CA4: variants seen among roughly 807,000 people sequenced by gnomAD.
The protein encoded by CA4 is carbonic anhydrase 4.
CA4 carries 24 observed loss-of-function variants against 34.5 expected under a neutral mutation model. That is an observed-to-expected ratio of 0.70 (90% confidence interval 0.50 to 0.98). The LOEUF (loss-of-function observed/expected upper bound fraction) is 0.98. Among genes scored for constraint, CA4 ranks in the 50% least tolerant of loss-of-function variants. The pLI is 0.00. For synonymous variants in CA4, 178 were observed against 170.6 expected, an observed-to-expected ratio of 1.04 and a Z score of -0.34; for missense variants, 394 against 396.7, an observed-to-expected ratio of 0.99 and a Z score of 0.06.
At chr17:60,152,704 T>A (rs1402357591) in intron 1 of CA4, among the ~76,000 whole-genome samples, 1 of 152,128 alleles carries the variant, frequency 6.6e-6, no homozygotes, top group Non-Finnish European at 1.5e-5. Context: ...CCTTCCTCCT[T>A]CAAGACCTCT....
chr17:60,164,114 A>G (rs1320845350), downstream of CA4, among the ~76,000 whole-genome samples: 1 of 151,344 alleles, frequency 6.6e-6, no homozygotes, highest in African/African-American at 2.4e-5. Flanking sequence ...GTCTCAAAAA[A>G]GGAAAAAAAA....
chr17:60,153,876 T>C (rs1246624657), intron 1 of CA4, among the ~76,000 whole-genome samples: 1 of 152,158 alleles, frequency 6.6e-6, no homozygotes, highest in African/African-American at 2.4e-5. Context: ...ACACTGCAGC[T>C]CTGAAAAAGG....
chr17:60,175,065 C>T (rs914883031), downstream of CA4, among the ~76,000 whole-genome samples: 3 of 152,154 alleles, frequency 2.0e-5, no homozygotes, highest in African/African-American at 7.2e-5. Context: ...GTCTCACTGT[C>T]ACCCAGGCTG....
chr17:60,158,755 T>C (rs992432923), intron 7 of CA4: 1 of 474,734 alleles, frequency 2.1e-6, no homozygotes, highest in Non-Finnish European at 3.9e-6. Flanking sequence ...ACCCTTGCAC[T>C]GCTTTCATTC....
chr17:60,157,980 C>A, intron 5 of CA4, 81 bp from the exon 6 acceptor site: 2 of 1,577,132 alleles, frequency 1.3e-6, no homozygotes, highest in South Asian at 2.3e-5. Flanking sequence ...CCTGGCCTTC[C>A]GCCCCCAGAT....
downstream of CA4, among the ~76,000 whole-genome samples, chr17:60,162,253 CA>C (rs1488121405): frequency 6.6e-6 from 1 of 152,178 alleles, no homozygotes; most frequent in Non-Finnish European, 1.5e-5. Flanking sequence ...CACTGGCCCC[CA>C]CCTCCCGAGG....
downstream of CA4, among the ~76,000 whole-genome samples, chr17:60,163,237 G>A (rs980813003): frequency 1.3e-5 from 2 of 152,048 alleles, no homozygotes; most frequent in South Asian, 2.1e-4. Flanking sequence ...GCAGGCTGCC[G>A]TGTCTTAAAA....
downstream of CA4, among the ~76,000 whole-genome samples, chr17:60,160,108 C>T (rs903329462): frequency 6.6e-6 from 1 of 152,174 alleles, no homozygotes; most frequent in Admixed American, 6.5e-5. Flanking sequence ...CCACTGCACT[C>T]CAGCCTGGGC....
chr17:60,159,366 C>CCCTGCCTGCCCTGCTGGGCCCCATGCTGG lies in CA4; in HGVS notation c.891_919dup (p.Leu307ProfsTer39). On this transcript the variant is annotated frameshift_variant, in exon 8 of 8. Coordinates refer to ENST00000300900, the MANE Select transcript of CA4 (RefSeq NM_000717.5). LOFTEE classifies it low-confidence loss of function (END_TRUNC). Reference sequence around the variant, plus strand: ...GCCCCGGGTCGGCCGCTGCCCTGGGCCCTGCCTGCCCTGCTGGGCCCCATG... The same window carrying CCCTGCCTGCCCTGCTGGGCCCCATGCTGG: ...GCCCCGGGTCGGCCGCTGCCCTGGGCCCTGCCTGCCCTGCTGGGCCCCATGCTGGCCTGCCTGCCCTGCTGGGCCCCATG... The CCCTGCCTGCCCTGCTGGGCCCCATGCTGG allele has an allele frequency of 6.2e-7, 1 of 1,611,866 alleles. No individual in the cohort carries two copies. The highest frequency in any genetic ancestry group is 1.1e-5 in the South Asian group (1 of 90,872).
chr17:60,163,398 G>A (rs2083816278), downstream of CA4, among the ~76,000 whole-genome samples: 6 of 152,242 alleles, frequency 3.9e-5, no homozygotes, highest in Non-Finnish European at 8.8e-5. Context: ...CCTGCTCTGG[G>A]CCTCAGTTCA....
intron 1 of CA4, 115 bp downstream of exon 1, chr17:60,150,207 G>C (rs944082651): frequency 1.8e-4 from 161 of 894,624 alleles, no homozygotes; most frequent in Non-Finnish European, 3.6e-5. Flanking sequence ...GTGGCGCTGG[G>C]GTCCCGGGTT....
chr17:60,158,323 G>A lies in CA4; in HGVS notation c.621G>A (p.Leu207=). ...TGGCAGAGAGCAGCCTGTTGGACCT[G>A]CTCCCCAAGGAGGAGAAACTGAGGC... ...TTMAESSLLD[L]LPKEEKLRHY... Residue 207 remains leucine, a synonymous_variant, in exon 7 of 8, where the codon CTG becomes CTA. Transcript: ENST00000300900. The A allele has an allele frequency of 2.5e-6, 4 of 1,614,142 alleles. No homozygotes were observed. Among genetic ancestry groups the A allele is most frequent in the Non-Finnish European group, 3.4e-6 (4 of 1,180,004 alleles).
downstream of CA4, among the ~76,000 whole-genome samples, chr17:60,164,443 G>A (rs187948013): frequency 4.0e-5 from 6 of 151,594 alleles, no homozygotes; most frequent in East Asian, 9.7e-4. Flanking sequence ...AGACTGGAGT[G>A]CAGTGGCACG....
chr17:60,165,058 T>C (rs1216341847), intron 5 of CA4, among the ~76,000 whole-genome samples: 1 of 152,176 alleles, frequency 6.6e-6, no homozygotes, highest in African/African-American at 2.4e-5. Flanking sequence ...AGAGGAGATA[T>C]TCAATAATTT....
downstream of CA4, chr17:60,159,552 C>A: frequency 9.1e-7 from 1 of 1,099,694 alleles, no homozygotes; most frequent in Non-Finnish European, 1.3e-6. Context: ...AGAAACCTTT[C>A]TCAAGTGTGT....
At chr17:60,159,615 C>T (rs904573137), downstream of CA4, 1 of 671,002 alleles carries the variant, frequency 1.5e-6, no homozygotes, top group African/African-American at 1.8e-5. Context: ...ACCCCTGTTC[C>T]TCCTGTTCCA....
At chr17:60,153,711 G>T (rs2083629542) in intron 1 of CA4, among the ~76,000 whole-genome samples, 1 of 152,194 alleles carries the variant, frequency 6.6e-6, no homozygotes, top group Non-Finnish European at 1.5e-5. Context: ...AAGGCAGAGC[G>T]GGAGCTGGAG....
chr17:60,157,332 AGGAGACAATGTCCCATCTG>A lies in CA4; in HGVS notation c.269-92_269-74del. ...CCAGAGCTCATGAAGGTTGGGAGGC[AGGAGACAATGTCCCATCTG>A]GGTGAAGCTGGGATGAAGAGCTAGA... is the stretch of plus-strand genomic sequence containing the variant. On this transcript the variant is annotated intron_variant, in intron 3 of 7. Transcript: ENST00000300900. 1.3e-5 allele frequency: 15 copies of A among 1,158,212 alleles called. 1 individual carries two copies. In the South Asian group the frequency reaches 1.7e-4, roughly 13 times the overall value. The allele number at this position is 1,158,212 out of a possible 1,614,324, so 71.7% of individuals were successfully genotyped here.
chr17:60,165,613 C>A (rs1276038049), intron 5 of CA4, among the ~76,000 whole-genome samples: 2 of 152,114 alleles, frequency 1.3e-5, no homozygotes, highest in African/African-American at 4.8e-5. Context: ...CCCCAGGAGC[C>A]GTGGGATTAC....
Sources: allele counts gnomAD v4.1 joint callset (sites outside exome capture counted in the v4.1 genomes callset), GRCh38; gene constraint gnomAD v4.1.1; transcripts MANE v1.5; gene names NCBI Gene and HGNC (gene_info 2026-07-23, HGNC 2026-07-21).